ORC2: variants seen among roughly 807,000 people sequenced by gnomAD.
ORC2 encodes origin recognition complex subunit 2.
Under a neutral mutation model 77.7 loss-of-function variants are expected in ORC2, and 37 were observed. The ratio of observed to expected loss-of-function variants is 0.48; its 90% CI spans 0.37 to 0.63. The LOEUF (loss-of-function observed/expected upper bound fraction) is 0.63, where lower values mean the gene tolerates loss of function less well. Ranked by LOEUF, ORC2 falls within the 20% of genes least tolerant of loss-of-function variation. The pLI, the probability that ORC2 is intolerant of heterozygous loss-of-function variation, is 0.00. For synonymous variants in ORC2, 201 were observed against 229.5 expected, an observed-to-expected ratio of 0.88 and a Z score of 1.12; for missense variants, 557 against 661.9, an observed-to-expected ratio of 0.84 and a Z score of 1.74.
intron 11 of ORC2, among the ~76,000 whole-genome samples, chr2:200,928,064 AATT>A (rs941346821): frequency 6.6e-6 from 1 of 152,056 alleles, no homozygotes; most frequent in Admixed American, 6.5e-5. Context: ...TCTTTTTAAA[AATT>A]ATTATTGGCC....
rs746422547 is a variant in ORC2, at chr2:200,926,838, C to T, written c.980G>A (p.Arg327Gln). The change falls in exon 12 of 18, where the codon CGA (arginine) becomes CAA (glutamine). Residue 327 changes from arginine (R) to glutamine (Q), a missense_variant. Arg to Gln is a conservative substitution (Grantham distance 43, BLOSUM62 1). Transcript: ENST00000234296. ...GSKRDLLERF[R>Q]TTMLQDSIHV... ...AATGGAATCTTGCAGCATAGTGGTT[C>T]GAAACCTTTCTAGTAAATCTCTCTT... 5.6e-6 allele frequency: 9 copies of T among 1,613,720 alleles called. No individual in the cohort carries two copies. Among genetic ancestry groups the T allele is most frequent in the Non-Finnish European group, 7.6e-6 (9 of 1,179,694 alleles).
intron 5 of ORC2, among the ~76,000 whole-genome samples, chr2:200,947,693 A>G (rs1238231161): frequency 6.6e-6 from 1 of 151,672 alleles, no homozygotes; most frequent in Admixed American, 6.6e-5. Flanking sequence ...AAAAATGATG[A>G]CCCCCTCATA....
chr2:200,949,636 C>A lies in ORC2; in HGVS notation c.246G>T (p.Leu82Phe), dbSNP rs753010340. The change falls in exon 5 of 18, where the codon TTG becomes TTT. Residue 82 changes from leucine to phenylalanine, a missense_variant. By Grantham distance (22) the Leu-to-Phe change is conservative. Coordinates refer to ENST00000234296, the MANE Select transcript of ORC2 (RefSeq NM_006190.5). The part of the protein sequence containing the change: ...EIMGRDVQES[L>F]KNGSATGGGN... ...CACCACCTGTAGCAGAGCCATTTTTCAATGATTCTGAAAGAAAAAAATGCA... is the reference window on the plus strand; with the variant it reads ...CACCACCTGTAGCAGAGCCATTTTTAAATGATTCTGAAAGAAAAAAATGCA... 11 of 1,577,718 alleles carry A rather than the reference C, an allele frequency of 7.0e-6. No individual in the cohort carries two copies. The African/African-American group carries it at 1.5e-4, about 21-fold the overall frequency.
intron 5 of ORC2, among the ~76,000 whole-genome samples, chr2:200,948,537 A>G (rs983466561): frequency 3.3e-4 from 50 of 152,254 alleles, no homozygotes; most frequent in Non-Finnish European, 4.6e-4. Flanking sequence ...ACATTTTTCC[A>G]TATACAGGGT....
intron 8 of ORC2, 22 bp from the exon 9 acceptor site, chr2:200,935,914 T>A (rs2041037630): frequency 6.2e-7 from 1 of 1,602,080 alleles, no homozygotes; most frequent in African/African-American, 1.3e-5. Context: ...AAAATAGCAA[T>A]TTGGACAATT....
At chr2:200,934,999 T>C (rs995343642) in intron 9 of ORC2, among the ~76,000 whole-genome samples, 5 of 152,218 alleles carry the variant, frequency 3.3e-5, no homozygotes, top group Admixed American at 6.5e-5. Flanking sequence ...CTTGAATACA[T>C]TGACAATGGT....
intron 5 of ORC2, among the ~76,000 whole-genome samples, chr2:200,948,925 C>T (rs936848955): frequency 2.6e-5 from 4 of 151,448 alleles, no homozygotes; most frequent in African/African-American, 9.7e-5. Flanking sequence ...TCACTTGTTA[C>T]TTCAAAAAAA....
At chr2:200,917,964 T>C (rs183183392) in intron 15 of ORC2, among the ~76,000 whole-genome samples, 107 of 152,180 alleles carry the variant, frequency 7.0e-4, no homozygotes, top group Non-Finnish European at 1.2e-3. Flanking sequence ...TTCCCCTTTA[T>C]TCTTCTCCAG....
rs774598498 is a variant in ORC2 at position 200,935,790 on chromosome 2, A to G, written c.617T>C (p.Ile206Thr). 1 of 1,614,088 alleles carries G rather than the reference A, an allele frequency of 6.2e-7. No individual in the cohort carries two copies. Among genetic ancestry groups the G allele is most frequent in the Non-Finnish European group, 8.5e-7 (1 of 1,179,980 alleles). ...QEHEEDTNAV[I>T]FSQKIQAQNR... The stretch of plus-strand genomic sequence containing the variant: ...CTGAGCTTGAATCTTTTGGCTGAAT[A>G]TGACTGCATTAGTGTCCTCTTCATG... Residue 206 changes from isoleucine (I) to threonine (T), a missense_variant, in exon 9 of 18, where the codon ATA becomes ACA. Transcript: ENST00000234296.
chr2:200,936,501 G>A (rs532875390), intron 8 of ORC2, among the ~76,000 whole-genome samples: 1 of 152,328 alleles, frequency 6.6e-6, no homozygotes, highest in African/African-American at 2.4e-5. Flanking sequence ...GCTGGTGGCA[G>A]AGTAAAAGAT....
At chr2:200,951,534 C>T (rs13429609) in intron 4 of ORC2, among the ~76,000 whole-genome samples, 32,861 of 151,966 alleles carry the variant, frequency 0.22, 4,401 homozygotes, top group African/African-American at 0.37. Flanking sequence ...TGGTGGTATT[C>T]GTGTTTTGGA....
At chr2:200,935,091 A>T (rs2041011920) in intron 9 of ORC2, among the ~76,000 whole-genome samples, 1 of 152,132 alleles carries the variant, frequency 6.6e-6, no homozygotes, top group Non-Finnish European at 1.5e-5. Flanking sequence ...TATTTTTGTT[A>T]TTTTTTATTC....
intron 11 of ORC2, among the ~76,000 whole-genome samples, chr2:200,928,336 A>G (rs940918791): frequency 2.6e-5 from 4 of 152,104 alleles, no homozygotes; most frequent in Non-Finnish European, 5.9e-5. Flanking sequence ...AGCCTGGGCA[A>G]CAGAGTAAGA....
At chr2:200,921,573 T>C (rs1310612294) in intron 13 of ORC2, 4 of 152,274 alleles carry the variant, frequency 2.6e-5, no homozygotes, top group Non-Finnish European at 2.9e-5. Flanking sequence ...TGAGAAGATA[T>C]GTCATTTACT....
At chr2:200,918,091 G>T (rs537613633) in intron 15 of ORC2, among the ~76,000 whole-genome samples, 2 of 151,962 alleles carry the variant, frequency 1.3e-5, no homozygotes, top group South Asian at 4.2e-4. Flanking sequence ...ATTTTATATG[G>T]TTTTATTTCT....
chr2:200,914,009 ACAGG>A lies in ORC2; in HGVS notation c.1467-21_1467-18del, dbSNP rs1559002720. 3 of 1,442,392 alleles carry A rather than the reference ACAGG, an allele frequency of 2.1e-6. No individual in the cohort carries two copies. The highest frequency in any genetic ancestry group is 2.9e-6 in the Non-Finnish European group (3 of 1,046,962). The allele number at this position is 1,442,392 out of a possible 1,614,324, so 89.3% of individuals were successfully genotyped here. On this transcript the variant is annotated intron_variant, in intron 15 of 17. Coordinates refer to ENST00000234296, the MANE Select transcript of ORC2 (RefSeq NM_006190.5). Reference sequence around the variant, plus strand: ...AAAATTCCCCTAAAAAAAAAAAAAAACAGGAATTTAAATCCAAAAATGTTAACAT... The same window carrying A: ...AAAATTCCCCTAAAAAAAAAAAAAAAAATTTAAATCCAAAAATGTTAACAT...
intron 15 of ORC2, among the ~76,000 whole-genome samples, chr2:200,916,463 C>T (rs916666071): frequency 2.0e-5 from 3 of 151,836 alleles, no homozygotes; most frequent in African/African-American, 4.8e-5. Flanking sequence ...CCAGCCTTGG[C>T]GACACCATGA....
At chr2:200,913,467 T>A (rs938687093) in intron 16 of ORC2, 54 bp from the exon 17 acceptor site, 17 of 1,519,326 alleles carry the variant, frequency 1.1e-5, no homozygotes, top group Admixed American at 4.0e-5. Context: ...CATGACCCAA[T>A]ATACAAACAC....
At chr2:200,950,982 T>C (rs1236973854) in intron 4 of ORC2, among the ~76,000 whole-genome samples, 4 of 152,220 alleles carry the variant, frequency 2.6e-5, no homozygotes, top group Non-Finnish European at 5.9e-5. Flanking sequence ...CTTTACGCTG[T>C]GGCTTGTCTT....
Sources: allele counts gnomAD v4.1 joint callset (sites outside exome capture counted in the v4.1 genomes callset), GRCh38; gene constraint gnomAD v4.1.1; transcripts MANE v1.5; gene names NCBI Gene and HGNC (gene_info 2026-07-23, HGNC 2026-07-21).